The following HERC3 variants were observed in gnomAD, a reference collection of about 807,000 sequenced individuals.
The protein encoded by HERC3 is probable E3 ubiquitin-protein ligase HERC3.
Under a neutral mutation model 129.9 loss-of-function variants are expected in HERC3, and 58 were observed. That is an observed-to-expected ratio of 0.45 (90% CI 0.36 to 0.56). The LOEUF (loss-of-function observed/expected upper bound fraction) is 0.56. Ranked by LOEUF, HERC3 falls within the 20% of genes least tolerant of loss-of-function variation. The pLI is 0.00. For missense variants in HERC3, 835 were observed against 1,244.2 expected, an observed-to-expected ratio of 0.67 and a Z score of 4.95; for synonymous variants, 430 against 451.0, an observed-to-expected ratio of 0.95 and a Z score of 0.59.
intron 3 of HERC3, among the ~76,000 whole-genome samples, chr4:88,623,994 A>C (rs921645211): frequency 6.6e-6 from 1 of 152,124 alleles, no homozygotes; most frequent in African/African-American, 2.4e-5. Context: ...TTTTGTCACT[A>C]TAGTTTTGAC....
chr4:88,527,708 C>A, the HERC3 span: 1 of 296,666 alleles, frequency 3.4e-6, no homozygotes, highest in Non-Finnish European at 6.6e-6. Flanking sequence ...ACGGTGGTTG[C>A]CTTCCTGGGC....
chr4:88,653,530 T>C (rs924624152), intron 6 of HERC3, among the ~76,000 whole-genome samples: 2 of 152,052 alleles, frequency 1.3e-5, no homozygotes, highest in African/African-American at 2.4e-5. Flanking sequence ...GACCCAGTTA[T>C]GCAGGGCCCT....
In HERC3 at chr4:88,686,670, A is replaced by C. The variant is rs113992915; in HGVS notation, c.2508-66A>C. The C allele has an allele frequency of 4.0e-3, 4,005 of 995,034 alleles. 103 individuals are homozygous for C. In the African/African-American group the frequency reaches 0.057, roughly 14 times the overall value. The allele number at this position is 995,034 out of a possible 1,614,324, so 61.6% of individuals were successfully genotyped here. ...TGGAAATGGTCTGGACATGTAACTGAAGTAGAAACACTGTTGCAGCAGTGT... is the reference window on the plus strand; with the variant it reads ...TGGAAATGGTCTGGACATGTAACTGCAGTAGAAACACTGTTGCAGCAGTGT... On this transcript the variant is annotated intron_variant, in intron 21 of 25. Coordinates refer to ENST00000402738, the MANE Select transcript of HERC3 (RefSeq NM_014606.3).
intron 21 of HERC3, among the ~76,000 whole-genome samples, chr4:88,681,702 G>C (rs1732799430): frequency 6.6e-6 from 1 of 152,040 alleles, no homozygotes; most frequent in African/African-American, 2.4e-5. Context: ...TTGTTGTTGA[G>C]GCAAAATAGA....
At chr4:88,584,439 T>G in the HERC3 span, among the ~76,000 whole-genome samples, 1 of 152,184 alleles carries the variant, frequency 6.6e-6, no homozygotes, top group Admixed American at 6.5e-5. Flanking sequence ...TCATTTAAAT[T>G]GATTCTATGC....
intron 23 of HERC3, chr4:88,692,989 A>G: frequency 3.1e-6 from 3 of 977,854 alleles, no homozygotes; most frequent in Non-Finnish European, 3.6e-6. Flanking sequence ...ATAGTTAAAA[A>G]CATAACTAAT....
At chr4:88,612,328 G>GTGTGTGTGT (rs1560675041) in intron 3 of HERC3, among the ~76,000 whole-genome samples, 6 of 97,876 alleles carry the variant, frequency 6.1e-5, no homozygotes, top group African/African-American at 2.9e-4. Flanking sequence ...TGTGTGTGTG[G>GTGTGTGTGT]TAAGAAGGAG....
At chr4:88,621,847 A>G (rs889158198) in intron 3 of HERC3, among the ~76,000 whole-genome samples, 3 of 152,110 alleles carry the variant, frequency 2.0e-5, no homozygotes, top group African/African-American at 7.2e-5. Context: ...TAACCCTAAA[A>G]CTGTAAGTAT....
intron 23 of HERC3, among the ~76,000 whole-genome samples, chr4:88,692,487 A>C (rs1734174927): frequency 6.6e-6 from 1 of 152,126 alleles, no homozygotes; most frequent in South Asian, 2.1e-4. Context: ...CATGCATGAC[A>C]AACACTTCTT....
intron 24 of HERC3, 45 bp from the exon 25 acceptor site, chr4:88,704,463 T>C (rs1735598877): frequency 1.5e-6 from 2 of 1,368,556 alleles, no homozygotes; most frequent in Admixed American, 3.4e-5. Flanking sequence ...TCCACTATAA[T>C]ATTCTTCCAA....
rs1723201916 is a variant in HERC3 at position 88,603,151 on chromosome 4, T to G, written c.-29-2644T>G. ...TTCTCTGCCACGGAGAATCTACTGT[T>G]TACTGGCCAGGTTCCAAACTTGCAG... On this transcript the variant is annotated intron_variant, in intron 2 of 25. Coordinates refer to ENST00000402738, the MANE Select transcript of HERC3 (RefSeq NM_014606.3). Among the ~76,000 whole-genome samples, 7 of 152,180 alleles carry G rather than the reference T, an allele frequency of 4.6e-5. No homozygotes were observed. The South Asian group carries it at 1.5e-3, about 32-fold the overall frequency.
chr4:88,619,998 C>A (rs1316526404), intron 3 of HERC3, among the ~76,000 whole-genome samples: 1 of 152,188 alleles, frequency 6.6e-6, no homozygotes, highest in Non-Finnish European at 1.5e-5. Flanking sequence ...GTAATACAGT[C>A]AACTGGCTGT....
At chr4:88,595,813 T>G (rs1271494956) in intron 2 of HERC3, among the ~76,000 whole-genome samples, 199 bp downstream of exon 2, 1 of 151,502 alleles carries the variant, frequency 6.6e-6, no homozygotes, top group East Asian at 1.9e-4. Context: ...GAGACCTGGT[T>G]TCTGGTCTCT....
At chr4:88,526,462 C>A in the HERC3 span, among the ~76,000 whole-genome samples, 1 of 152,174 alleles carries the variant, frequency 6.6e-6, no homozygotes, top group East Asian at 1.9e-4. Flanking sequence ...TCTGCTTGAT[C>A]TTTTCTTTCT....
chr4:88,693,625 A>C (rs1181410080), intron 23 of HERC3: 4 of 971,644 alleles, frequency 4.1e-6, no homozygotes, highest in Non-Finnish European at 4.9e-6. Context: ...GGTTAATTTT[A>C]TGTTATGCAA....
At chr4:88,619,402 A>C (rs1725267911) in intron 3 of HERC3, among the ~76,000 whole-genome samples, 1 of 152,158 alleles carries the variant, frequency 6.6e-6, no homozygotes, top group Non-Finnish European at 1.5e-5. Flanking sequence ...TTACTTAATA[A>C]ATGGTGTTGG....
At chr4:88,690,182 C>G (rs568747760) in intron 23 of HERC3, 1 of 984,340 alleles carries the variant, frequency 1.0e-6, no homozygotes, top group South Asian at 4.7e-5. Context: ...AAAGCAGTTT[C>G]CTTTATATAA....
At chr4:88,600,373 G>A (rs1722847357) in intron 2 of HERC3, among the ~76,000 whole-genome samples, 1 of 152,190 alleles carries the variant, frequency 6.6e-6, no homozygotes, top group South Asian at 2.1e-4. Context: ...GTAGGCTGTG[G>A]TCAAGAGATT....
intron 14 of HERC3, among the ~76,000 whole-genome samples, chr4:88,668,908 T>A (rs929873403): frequency 2.8e-4 from 43 of 152,206 alleles, no homozygotes; most frequent in Non-Finnish European, 4.9e-4. Context: ...TAGTACTTAA[T>A]TTTTTTTAAG....
Sources: gnomAD v4.1 joint callset for allele counts (sites outside exome capture counted in the v4.1 genomes callset) on GRCh38, gnomAD v4.1.1 for gene constraint, MANE v1.5 for transcripts, NCBI Gene and HGNC (gene_info 2026-07-23, HGNC 2026-07-21) for gene names.